Variants in ZC2HC1A observed in about 807,000 individuals in gnomAD.
ZC2HC1A encodes the protein zinc finger C2HC domain-containing protein 1A.
Under a neutral mutation model 40.7 loss-of-function variants are expected in ZC2HC1A, and 28 were observed. The ratio of observed to expected loss-of-function variants is 0.69; its 90% CI spans 0.51 to 0.94. The LOEUF is 0.94. Among genes scored for constraint, ZC2HC1A ranks in the 40% least tolerant of loss-of-function variants. The probability of loss-of-function intolerance (pLI) is 0.00; values close to 1 mark genes in which losing one functional copy is unlikely to be tolerated. For synonymous variants in ZC2HC1A, 129 were observed against 129.2 expected (o/e 1.00, Z 0.01); for missense variants, 389 against 386.3 (o/e 1.01, Z -0.06).
chr8:78,691,502 T>C (rs550605530), intron 5 of ZC2HC1A, among the ~76,000 whole-genome samples: 1 of 152,208 alleles, frequency 6.6e-6, no homozygotes, highest in East Asian at 1.9e-4. Flanking sequence ...TTGGTTTTTG[T>C]ATTTCTTTTT....
At chr8:78,693,975 T>C (rs1164508638) in intron 5 of ZC2HC1A, among the ~76,000 whole-genome samples, 1 of 152,200 alleles carries the variant, frequency 6.6e-6, no homozygotes, top group Admixed American at 6.5e-5. Flanking sequence ...CCCAGCACCA[T>C]TTATTAAATA....
chr8:78,712,687 GAA>G (rs1241573787), intron 7 of ZC2HC1A, among the ~76,000 whole-genome samples: 1 of 152,158 alleles, frequency 6.6e-6, no homozygotes, highest in Non-Finnish European at 1.5e-5. Context: ...CTGGCTGGCT[GAA>G]AAGAGTGTGT....
At chr8:78,680,497 C>T (rs184664529) in intron 3 of ZC2HC1A, among the ~76,000 whole-genome samples, 8 of 152,170 alleles carry the variant, frequency 5.3e-5, no homozygotes, top group African/African-American at 1.7e-4. Context: ...GTCGTATGCA[C>T]ATTAAAGTTT....
intron 5 of ZC2HC1A, among the ~76,000 whole-genome samples, chr8:78,692,078 G>A (rs966283311): frequency 6.6e-6 from 1 of 152,054 alleles, no homozygotes; most frequent in Non-Finnish European, 1.5e-5. Context: ...ATTTTGAAAG[G>A]TATAATACAT....
At chr8:78,679,587 C>T (rs1809698075) in intron 3 of ZC2HC1A, among the ~76,000 whole-genome samples, 1 of 152,076 alleles carries the variant, frequency 6.6e-6, no homozygotes, top group Non-Finnish European at 1.5e-5. Flanking sequence ...GTAGTAAGGG[C>T]CAACTGTGTA....
intron 1 of ZC2HC1A, among the ~76,000 whole-genome samples, chr8:78,674,597 A>G (rs1214581621): frequency 6.6e-6 from 1 of 152,124 alleles, no homozygotes; most frequent in African/African-American, 2.4e-5. Context: ...TTGCTTTTGT[A>G]GTGTTGACTG....
chr8:78,680,218 A>T (rs937531056), intron 3 of ZC2HC1A, among the ~76,000 whole-genome samples: 10 of 151,042 alleles, frequency 6.6e-5, no homozygotes, highest in African/African-American at 2.4e-4. Flanking sequence ...AAACTTAAAA[A>T]TTGAATTCTA....
chr8:78,700,831 T>G (rs1022781484), intron 7 of ZC2HC1A, among the ~76,000 whole-genome samples: 7 of 152,196 alleles, frequency 4.6e-5, no homozygotes, highest in African/African-American at 1.7e-4. Context: ...TGGTCTTACT[T>G]CTGGGCTTGC....
intron 1 of ZC2HC1A, among the ~76,000 whole-genome samples, chr8:78,672,023 T>A (rs1161557511): frequency 6.6e-6 from 1 of 152,134 alleles, no homozygotes; most frequent in East Asian, 1.9e-4. Flanking sequence ...CTTAGAGAGC[T>A]TAAGTATCTT....
chr8:78,705,966 G>A (rs1202918203), intron 7 of ZC2HC1A, among the ~76,000 whole-genome samples: 1 of 152,184 alleles, frequency 6.6e-6, no homozygotes, highest in Non-Finnish European at 1.5e-5. Flanking sequence ...GGAGGTCCCA[G>A]TTGTGAGGTC....
intron 5 of ZC2HC1A, among the ~76,000 whole-genome samples, chr8:78,695,896 C>A (rs1485339070): frequency 6.6e-6 from 1 of 152,102 alleles, no homozygotes; most frequent in Non-Finnish European, 1.5e-5. Flanking sequence ...AATTCACATA[C>A]AGAGTTAGAA....
At chr8:78,693,239 A>G (rs1455878640) in intron 5 of ZC2HC1A, among the ~76,000 whole-genome samples, 3 of 152,214 alleles carry the variant, frequency 2.0e-5, no homozygotes, top group South Asian at 4.2e-4. Context: ...TCCTTTGGGT[A>G]TATACCCAGT....
chr8:78,702,692 AT>A (rs1810643901), intron 7 of ZC2HC1A, among the ~76,000 whole-genome samples: 2 of 152,204 alleles, frequency 1.3e-5, no homozygotes, highest in African/African-American at 4.8e-5. Flanking sequence ...GCACTTCCCG[AT>A]TTCTGCGTTA....
At chr8:78,695,610 C>G (rs1282668888) in intron 5 of ZC2HC1A, among the ~76,000 whole-genome samples, 1 of 152,066 alleles carries the variant, frequency 6.6e-6, no homozygotes, top group African/African-American at 2.4e-5. Flanking sequence ...CTTGTTTTCC[C>G]TATTGCTATA....
chr8:78,692,286 G>A (rs1340863472), intron 5 of ZC2HC1A, among the ~76,000 whole-genome samples: 1 of 152,168 alleles, frequency 6.6e-6, no homozygotes, highest in East Asian at 1.9e-4. Flanking sequence ...GTGAGTACAT[G>A]TGGTATTCAC....
intron 7 of ZC2HC1A, among the ~76,000 whole-genome samples, chr8:78,709,451 G>A (rs1364629969): frequency 6.6e-6 from 1 of 152,118 alleles, no homozygotes; most frequent in Non-Finnish European, 1.5e-5. Flanking sequence ...AAATGCTTGT[G>A]ATAACCTAGA....
At chr8:78,685,396 G>A (rs1002760680) in intron 3 of ZC2HC1A, among the ~76,000 whole-genome samples, 8 of 152,130 alleles carry the variant, frequency 5.3e-5, no homozygotes, top group South Asian at 2.1e-4. Context: ...TTTTTCCTTG[G>A]TGTGAGGTTG....
At chr8:78,677,628 G>A (rs1227102826) in intron 2 of ZC2HC1A, among the ~76,000 whole-genome samples, 1 of 150,762 alleles carries the variant, frequency 6.6e-6, no homozygotes, top group African/African-American at 2.4e-5. Flanking sequence ...TAGTATCTAT[G>A]TTCAGGCATT....
At chr8:78,681,396 A>T (rs185585941) in intron 3 of ZC2HC1A, among the ~76,000 whole-genome samples, 3 of 152,370 alleles carry the variant, frequency 2.0e-5, no homozygotes, top group Admixed American at 6.5e-5. Context: ...ATCACAGAGC[A>T]GATGAATGTT....
Sources: gnomAD v4.1 joint callset for allele counts (sites outside exome capture counted in the v4.1 genomes callset) on GRCh38, gnomAD v4.1.1 for gene constraint, MANE v1.5 for transcripts, NCBI Gene and HGNC (gene_info 2026-07-23, HGNC 2026-07-21) for gene names.